NAV2: variants seen among roughly 807,000 people sequenced by gnomAD.
NAV2 encodes the protein neuron navigator 2, also known as helicase, APC down-regulated 1.
Under a neutral mutation model 223.2 loss-of-function variants are expected in NAV2, and 54 were observed. The observed-to-expected ratio is 0.24, with a 90% CI of 0.19 to 0.30. The LOEUF (loss-of-function observed/expected upper bound fraction) is 0.30, where lower values mean the gene tolerates loss of function less well. Among genes scored for constraint, NAV2 ranks in the 10% least tolerant of loss-of-function variants. The pLI, the probability that NAV2 is intolerant of heterozygous loss-of-function variation, is 1.00. For synonymous variants in NAV2, 1,279 were observed against 1,239.3 expected, an observed-to-expected ratio of 1.03 and a Z score of -0.67; for missense variants, 2,806 against 3,147.5, an observed-to-expected ratio of 0.89 and a Z score of 2.60.
intron 1 of NAV2, among the ~76,000 whole-genome samples, chr11:19,590,140 A>C (rs2046017754): frequency 6.6e-6 from 1 of 152,210 alleles, no homozygotes; most frequent in Non-Finnish European, 1.5e-5. Context: ...CTGAGATAAT[A>C]ATAGTACCTA....
At position 20,114,631 on chromosome 11, in the gene NAV2, T is replaced by A; in HGVS notation, c.7000T>A (p.Trp2334Arg). 4 of 1,614,164 alleles carry A rather than the reference T, an allele frequency of 2.5e-6. No homozygotes were observed. Among genetic ancestry groups the A allele is most frequent in the Non-Finnish European group, 3.4e-6 (4 of 1,180,034 alleles). ...RRAPWEDPAKWVMDTYPWAAS... is the reference protein window; with the variant it reads ...RRAPWEDPAKRVMDTYPWAAS... Reference sequence around the variant, plus strand: ...CGCCCCCTGGGAGGATCCTGCCAAGTGGGTGATGGACACATATCCATGGGC... The same window carrying A: ...CGCCCCCTGGGAGGATCCTGCCAAGAGGGTGATGGACACATATCCATGGGC... Residue 2334 changes from tryptophan (W) to arginine (R), a missense_variant, in exon 37 of 38, where the codon TGG (tryptophan) becomes AGG (arginine). This residue lies in a region of NAV2 where 824 missense variants were observed against 1,069.4 expected (regional missense o/e 0.77). Coordinates refer to ENST00000349880, the MANE Select transcript of NAV2 (RefSeq NM_145117.5).
intron 1 of NAV2, among the ~76,000 whole-genome samples, chr11:19,514,356 C>T (rs1381527553): frequency 6.6e-6 from 1 of 152,154 alleles, no homozygotes; most frequent in African/African-American, 2.4e-5. Context: ...TCACCAGATC[C>T]TCTCAACACA....
chr11:19,709,665 T>C (rs762004567), upstream of NAV2, among the ~76,000 whole-genome samples: 1 of 150,680 alleles, frequency 6.6e-6, no homozygotes, highest in South Asian at 2.1e-4. Context: ...CGAAACCCCG[T>C]CTCTACTAAA....
intron 4 of NAV2, among the ~76,000 whole-genome samples, chr11:19,879,613 C>G (rs1209601498): frequency 6.6e-6 from 1 of 152,132 alleles, no homozygotes; most frequent in Non-Finnish European, 1.5e-5. Context: ...TCATTGGTGT[C>G]CTTACTGAGA....
intron 1 of NAV2, among the ~76,000 whole-genome samples, chr11:19,631,245 AT>A (rs2047337858): frequency 6.6e-6 from 1 of 151,994 alleles, no homozygotes; most frequent in African/African-American, 2.4e-5. Context: ...TCCCAATGCT[AT>A]CCCTCCCCCT....
chr11:19,749,394 G>T (rs10766589), intron 1 of NAV2, among the ~76,000 whole-genome samples: 61,496 of 151,800 alleles, frequency 0.41, 12,830 homozygotes, highest in Middle Eastern at 0.48. Flanking sequence ...TGACTAAAAT[G>T]TCGTTATTTT....
At position 19,832,199 on chromosome 11, in the gene NAV2, A is replaced by C. The variant is rs775438463; in HGVS notation, c.268-285A>C. Among the ~76,000 whole-genome samples, 42 of 152,232 alleles carry C rather than the reference A, an allele frequency of 2.8e-4. 1 individual carries two copies. Among genetic ancestry groups the C allele is most frequent in the Admixed American group, 9.2e-4 (14 of 15,282 alleles). Reference sequence around the variant, plus strand: ...GCAGCCTCTCAAAGCCGTCTGGAGCAGACTGTTTAGTTCTGTGTCCCCTGT... The same window carrying C: ...GCAGCCTCTCAAAGCCGTCTGGAGCCGACTGTTTAGTTCTGTGTCCCCTGT... On this transcript the variant is annotated intron_variant, in intron 1 of 37. Coordinates refer to ENST00000349880, the MANE Select transcript of NAV2 (RefSeq NM_145117.5).
rs1391614340 is a variant in NAV2, at chr11:19,939,781, T to C, written c.2146+8T>C. ...CTCTGGAAGAACTCACTGGTGAGTA[T>C]GGAGCCTCAGAAATCTGTGTCTGTT... On this transcript the variant is annotated splice_region_variant and intron_variant, in intron 8 of 37. Transcript: ENST00000349880. 1 of 1,603,004 alleles carries C rather than the reference T, an allele frequency of 6.2e-7. No homozygotes were observed. The highest frequency in any genetic ancestry group is 1.7e-5 in the Admixed American group (1 of 59,910).
chr11:19,729,360 G>A (rs1178206994), intron 1 of NAV2, among the ~76,000 whole-genome samples: 3 of 151,442 alleles, frequency 2.0e-5, no homozygotes, highest in African/African-American at 7.3e-5. Context: ...AGGAAGCTCT[G>A]GCTCTTCTCC....
chr11:19,366,731 A>AT (rs907274108), intron 1 of NAV2, among the ~76,000 whole-genome samples: 6 of 151,894 alleles, frequency 4.0e-5, no homozygotes, highest in Non-Finnish European at 8.8e-5. Context: ...TTTTCAGGGA[A>AT]TTTTTTTTCT....
chr11:19,615,540 G>A (rs1380022809), intron 1 of NAV2, among the ~76,000 whole-genome samples: 1 of 151,730 alleles, frequency 6.6e-6, no homozygotes, highest in Admixed American at 6.6e-5. Context: ...TATATAAAAT[G>A]CATTTTTAGT....
In NAV2 at chr11:20,119,427, G is replaced by A. The variant is rs1346057043; in HGVS notation, c.*1169G>A. The stretch of plus-strand genomic sequence containing the variant: ...CTTGCCTTCCCTTCTCGTCCTTGAG[G>A]GTTTAGAACACACACCAACACCTCC... On this transcript the variant is annotated 3_prime_UTR_variant, in exon 38 of 38. Coordinates refer to ENST00000349880, the MANE Select transcript of NAV2 (RefSeq NM_145117.5). The A allele has an allele frequency of 2.0e-5, 3 of 152,572 alleles. No individual in the cohort carries two copies. The highest frequency in any genetic ancestry group is 2.4e-5 in the African/African-American group (1 of 41,420). The allele number at this position is 152,572 out of a possible 1,614,324, so 9.5% of individuals were successfully genotyped here.
intron 1 of NAV2, among the ~76,000 whole-genome samples, chr11:19,783,033 A>G (rs1487055247): frequency 6.6e-6 from 1 of 152,186 alleles, no homozygotes; most frequent in East Asian, 1.9e-4. Context: ...TGCTGGGAAC[A>G]TGATAGGTCC....
intron 1 of NAV2, among the ~76,000 whole-genome samples, chr11:19,501,651 G>A (rs898366593): frequency 2.6e-5 from 4 of 151,658 alleles, no homozygotes; most frequent in African/African-American, 9.7e-5. Context: ...TGGTCCAAAG[G>A]GTGTGTTCTT....
At chr11:19,509,123 A>G (rs568200289) in intron 1 of NAV2, among the ~76,000 whole-genome samples, 29 of 152,256 alleles carry the variant, frequency 1.9e-4, no homozygotes, top group Admixed American at 9.8e-4. Flanking sequence ...ACAGAGCATT[A>G]GGACTTGTCA....
chr11:19,435,017 A>T (rs1164161771), intron 1 of NAV2, among the ~76,000 whole-genome samples: 1 of 152,200 alleles, frequency 6.6e-6, no homozygotes, highest in East Asian at 1.9e-4. Flanking sequence ...ATAATGTTTC[A>T]GTACATATAT....
chr11:19,935,406 T>A (rs2045758028), intron 7 of NAV2, among the ~76,000 whole-genome samples: 2 of 152,202 alleles, frequency 1.3e-5, no homozygotes, highest in South Asian at 4.2e-4. Context: ...GACACAAGTA[T>A]ACATTCATAC....
Position 19,620,049 on chromosome 11 carries a change from T to G in NAV2, c.76-212435T>G, listed in dbSNP as rs530450989. On this transcript the variant is annotated intron_variant, in intron 1 of 37. Transcript: ENST00000360655. ...CCCCATTTCTTGTTTTTGTCAGGTT[T>G]GTCAAAGATCAGATAGTTGTAGATG... is the stretch of plus-strand genomic sequence containing the variant. Among the ~76,000 whole-genome samples, 5 of 152,352 alleles carry G rather than the reference T, an allele frequency of 3.3e-5. No individual in the cohort carries two copies. In the South Asian group the frequency reaches 1.0e-3, roughly 32 times the overall value.
intron 1 of NAV2, 87 bp downstream of exon 1, chr11:19,714,049 G>T: frequency 6.6e-7 from 1 of 1,506,972 alleles, no homozygotes; most frequent in Non-Finnish European, 9.0e-7. Flanking sequence ...GGCTGGATGG[G>T]AGAAGGGTCT....
Sources: allele counts gnomAD v4.1 joint callset (sites outside exome capture counted in the v4.1 genomes callset), GRCh38; gene constraint gnomAD v4.1.1; regional missense constraint gnomAD v4.1.1; transcripts MANE v1.5; gene names NCBI Gene and HGNC (gene_info 2026-07-23, HGNC 2026-07-21).